The following ARHGAP22 variants were observed in gnomAD, a reference collection of about 807,000 sequenced individuals.
The protein encoded by ARHGAP22 is rho GTPase-activating protein 22.
In ARHGAP22, 48 loss-of-function variants were observed where a neutral mutation model predicts 59.1. The observed-to-expected ratio is 0.81, with a 90% CI of 0.64 to 1.03. ARHGAP22 has a LOEUF of 1.03. Ranked by LOEUF, ARHGAP22 falls within the 50% of genes least tolerant of loss-of-function variation. The pLI, the probability that ARHGAP22 is intolerant of heterozygous loss-of-function variation, is 0.00. For missense variants in ARHGAP22, 1,015 were observed against 958.7 expected (o/e 1.06, Z -0.78); for synonymous variants, 445 against 416.4 (o/e 1.07, Z -0.84).
chr10:48,530,614 GAACA>G (rs1462529534), intron 3 of ARHGAP22, among the ~76,000 whole-genome samples: 2 of 151,994 alleles, frequency 1.3e-5, no homozygotes, highest in Non-Finnish European at 2.9e-5. Context: ...CTAAGGACAC[GAACA>G]AACAATTCTC....
intron 1 of ARHGAP22, among the ~76,000 whole-genome samples, chr10:48,635,862 G>A (rs547371425): frequency 6.6e-6 from 1 of 152,350 alleles, no homozygotes; most frequent in African/African-American, 2.4e-5. Flanking sequence ...AAGCAGGATG[G>A]AAGGACTGCA....
chr10:48,562,925 A>G (rs1564888503), intron 2 of ARHGAP22, among the ~76,000 whole-genome samples: 2 of 152,212 alleles, frequency 1.3e-5, no homozygotes, highest in South Asian at 2.1e-4. Context: ...TTATTTTCTT[A>G]CAGTTCTGGA....
intron 5 of ARHGAP22, among the ~76,000 whole-genome samples, chr10:48,459,162 A>G (rs1215948130): frequency 7.0e-6 from 1 of 142,730 alleles, no homozygotes; most frequent in Non-Finnish European, 1.5e-5. Flanking sequence ...AGGGGCATCC[A>G]GGGCCTGGGT....
At chr10:48,557,476 C>T (rs1189742588) in intron 2 of ARHGAP22, among the ~76,000 whole-genome samples, 1 of 152,136 alleles carries the variant, frequency 6.6e-6, no homozygotes, top group Non-Finnish European at 1.5e-5. Flanking sequence ...TGTAGAGACC[C>T]CAGAGGGGTA....
the ARHGAP22 span, chr10:48,437,665 ATAG>A: frequency 6.6e-6 from 1 of 152,174 alleles, no homozygotes; most frequent in African/African-American, 2.4e-5. Context: ...CAACTCTGTC[ATAG>A]TGTTTGCTGA....
chr10:48,442,236 A>T (rs114303084), downstream of ARHGAP22, among the ~76,000 whole-genome samples: 1 of 152,128 alleles, frequency 6.6e-6, no homozygotes, highest in African/African-American at 2.4e-5. Context: ...GTGCTTTGTC[A>T]TCTGTCCTGT....
At chr10:48,448,798 C>T (rs1203973630) in intron 9 of ARHGAP22, among the ~76,000 whole-genome samples, 2 of 152,252 alleles carry the variant, frequency 1.3e-5, no homozygotes, top group Admixed American at 1.3e-4. Flanking sequence ...GCTACCACTG[C>T]TATCCCTTTT....
chr10:48,613,383 C>A (rs112301594), intron 1 of ARHGAP22, among the ~76,000 whole-genome samples: 279 of 152,262 alleles, frequency 1.8e-3, no homozygotes, highest in African/African-American at 6.2e-3. Context: ...GAAGATGGTA[C>A]GTTTGAAGAA....
At chr10:48,595,159 A>G (rs1234054368) in intron 1 of ARHGAP22, among the ~76,000 whole-genome samples, 1 of 152,222 alleles carries the variant, frequency 6.6e-6, no homozygotes, top group East Asian at 1.9e-4. Context: ...CCCCTAGAGC[A>G]TGGAGAAGTG....
chr10:48,450,972 G>C lies in ARHGAP22; in HGVS notation c.1157C>G (p.Pro386Arg). The part of the protein sequence containing the change: ...TRDSQGEPGG[P>R]GLPAHRTSSL... ...AGAGGTCCTGTGCGCGGGCAGGCCGGGGCCGCCGGGCTCTCCTTGGCTGTC... is the reference window on the plus strand; with the variant it reads ...AGAGGTCCTGTGCGCGGGCAGGCCGCGGCCGCCGGGCTCTCCTTGGCTGTC... Residue 386 changes from proline to arginine, a missense_variant, in exon 9 of 10, where the codon CCC becomes CGC. Physicochemically the swap from Pro to Arg is moderately radical, Grantham distance 103. Coordinates refer to ENST00000249601, the MANE Select transcript of ARHGAP22 (RefSeq NM_021226.4). The C allele has an allele frequency of 6.4e-7, 1 of 1,565,574 alleles. No individual in the cohort carries two copies. The highest frequency in any genetic ancestry group is 8.7e-7 in the Non-Finnish European group (1 of 1,155,796).
downstream of ARHGAP22, chr10:48,444,218 A>G (rs757456602): frequency 2.6e-5 from 4 of 152,168 alleles, no homozygotes; most frequent in Admixed American, 6.5e-5. Context: ...CTTCATATTA[A>G]ATGATGTAAT....
intron 2 of ARHGAP22, 127 bp from the exon 3 acceptor site, chr10:48,555,677 C>T: frequency 1.2e-6 from 1 of 826,910 alleles, no homozygotes; most frequent in South Asian, 1.6e-5. Flanking sequence ...GAAGGCTGGG[C>T]CTCAGAGAGG....
At chr10:48,625,928 C>T (rs2061434395) in intron 1 of ARHGAP22, among the ~76,000 whole-genome samples, 1 of 152,156 alleles carries the variant, frequency 6.6e-6, no homozygotes, top group South Asian at 2.1e-4. Flanking sequence ...CCATTGTCAC[C>T]TAGAACAGAA....
At chr10:48,537,789 A>G (rs2055514726) in intron 3 of ARHGAP22, among the ~76,000 whole-genome samples, 1 of 152,206 alleles carries the variant, frequency 6.6e-6, no homozygotes, top group Non-Finnish European at 1.5e-5. Context: ...CCTCGGGCCA[A>G]GTAAATGATA....
intron 3 of ARHGAP22, among the ~76,000 whole-genome samples, chr10:48,523,000 T>A (rs1178269751): frequency 1.3e-5 from 2 of 152,246 alleles, no homozygotes; most frequent in Non-Finnish European, 2.9e-5. Flanking sequence ...CTTCAAACCC[T>A]TTGTGAAACC....
intron 1 of ARHGAP22, among the ~76,000 whole-genome samples, chr10:48,584,547 T>C (rs905231347): frequency 2.0e-5 from 3 of 152,198 alleles, no homozygotes; most frequent in Non-Finnish European, 1.5e-5. Flanking sequence ...GGGTGGGGAC[T>C]GGAGGAGATG....
At chr10:48,604,319 G>A (rs1444547632) in intron 1 of ARHGAP22, among the ~76,000 whole-genome samples, 2 of 152,232 alleles carry the variant, frequency 1.3e-5, no homozygotes, top group Non-Finnish European at 2.9e-5. Context: ...CAAAGCAGCG[G>A]GAACGAAGAC....
Position 48,455,134 on chromosome 10 carries a change from G to A in ARHGAP22, c.660C>T (p.Ser220=). The change falls in exon 6 of 10, where the codon AGC becomes AGT. Residue 220 remains serine, a splice_region_variant and synonymous_variant. Transcript: ENST00000249601. ...AGGCCACCGTGTGCACGTCTGTTGTGCTGTGGGGGGGAAGAGGACAGGTGT... is the reference window on the plus strand; with the variant it reads ...AGGCCACCGTGTGCACGTCTGTTGTACTGTGGGGGGGAAGAGGACAGGTGT... ...FDCGEKPLFD[S]TTDVHTVASL... 1 of 1,606,522 alleles carries A rather than the reference G, an allele frequency of 6.2e-7. No individual in the cohort carries two copies. Among genetic ancestry groups the A allele is most frequent in the South Asian group, 1.1e-5 (1 of 90,408 alleles).
Position 48,476,965 on chromosome 10 carries a change from A to C in ARHGAP22, c.451+2671T>G, listed in dbSNP as rs552186503. Among the ~76,000 whole-genome samples, 56 of 152,256 alleles carry C rather than the reference A, an allele frequency of 3.7e-4. 1 individual carries two copies. Among genetic ancestry groups the C allele is most frequent in the Non-Finnish European group, 2.1e-4 (14 of 68,026 alleles). ...GCAAGTCATCTCACTTCTTTGACCC[A>C]AGTTTCTCCCTTTGTTTCATTTATT... On this transcript the variant is annotated intron_variant, in intron 4 of 9. Transcript: ENST00000249601.
Sources: allele counts gnomAD v4.1 joint callset (sites outside exome capture counted in the v4.1 genomes callset), GRCh38; gene constraint gnomAD v4.1.1; transcripts MANE v1.5; gene names NCBI Gene and HGNC (gene_info 2026-07-23, HGNC 2026-07-21).